The following CDK19 variants were observed in gnomAD, a reference collection of about 807,000 sequenced individuals.
CDK19 encodes cyclin dependent kinase 19.
In CDK19, 20 loss-of-function variants were observed where a neutral mutation model predicts 68.3. The ratio of observed to expected loss-of-function variants is 0.29; its 90% confidence interval spans 0.21 to 0.43. The LOEUF (loss-of-function observed/expected upper bound fraction) is 0.43, where lower values mean the gene tolerates loss of function less well. CDK19 is among the 20% of genes least tolerant of loss of function. The pLI, the probability that CDK19 is intolerant of heterozygous loss-of-function variation, is 1.00. For missense variants in CDK19, 339 were observed against 623.5 expected, an observed-to-expected ratio of 0.54 and a Z score of 4.86; for synonymous variants, 221 against 222.8, an observed-to-expected ratio of 0.99 and a Z score of 0.07.
intron 2 of CDK19, among the ~76,000 whole-genome samples, chr6:110,684,373 A>C (rs1313469035): frequency 7.2e-6 from 1 of 139,712 alleles, no homozygotes; most frequent in African/African-American, 2.7e-5. Flanking sequence ...TTCGATAATC[A>C]ACTACTAACA....
chr6:110,713,456 G>C (rs1775119306), intron 2 of CDK19, among the ~76,000 whole-genome samples: 1 of 134,566 alleles, frequency 7.4e-6, no homozygotes, highest in South Asian at 2.5e-4. Flanking sequence ...AAAAATCCTG[G>C]GCTCAAGTGA....
chr6:110,687,963 T>C (rs1387466259), intron 2 of CDK19, among the ~76,000 whole-genome samples: 3 of 152,196 alleles, frequency 2.0e-5, no homozygotes, highest in Admixed American at 2.0e-4. Context: ...TGTACATATT[T>C]TTTGCAGGGA....
chr6:110,739,295 T>A (rs1206054831), intron 2 of CDK19, among the ~76,000 whole-genome samples: 1 of 152,102 alleles, frequency 6.6e-6, no homozygotes, highest in Admixed American at 6.6e-5. Context: ...AGAGAAATGG[T>A]TGGCTTTCCA....
At chr6:110,801,204 G>A (rs1454448188) in intron 1 of CDK19, among the ~76,000 whole-genome samples, 1 of 152,096 alleles carries the variant, frequency 6.6e-6, no homozygotes, top group Non-Finnish European at 1.5e-5. Context: ...CGGGGGCTGG[G>A]GGAAGGAGCT....
chr6:110,750,659 G>A (rs1027652257), intron 1 of CDK19, among the ~76,000 whole-genome samples: 1 of 152,154 alleles, frequency 6.6e-6, no homozygotes, highest in Non-Finnish European at 1.5e-5. Context: ...AAAAGGAGAT[G>A]TCCTGAAGAT....
At chr6:110,784,805 C>A (rs1781082133) in intron 1 of CDK19, among the ~76,000 whole-genome samples, 1 of 151,890 alleles carries the variant, frequency 6.6e-6, no homozygotes, top group Non-Finnish European at 1.5e-5. Context: ...GAATGATATA[C>A]CCATACATGC....
intron 1 of CDK19, among the ~76,000 whole-genome samples, chr6:110,766,694 T>TGTAGGA (rs1159904210): frequency 1.3e-5 from 2 of 152,142 alleles, no homozygotes; most frequent in Non-Finnish European, 2.9e-5. Context: ...TTCACTTATG[T>TGTAGGA]GTAGGAGTAC....
intron 1 of CDK19, among the ~76,000 whole-genome samples, chr6:110,787,736 C>T (rs1295931): frequency 2.0e-5 from 3 of 152,134 alleles, no homozygotes; most frequent in Non-Finnish European, 4.4e-5. Context: ...AGCCATGACA[C>T]CTGGCAGGTT....
chr6:110,654,818 G>A (rs1781199711), intron 4 of CDK19, among the ~76,000 whole-genome samples: 1 of 152,128 alleles, frequency 6.6e-6, no homozygotes, highest in Non-Finnish European at 1.5e-5. Context: ...GCGCATGCCT[G>A]TAATCCCAGC....
At chr6:110,656,777 A>G (rs1009690416) in intron 4 of CDK19, among the ~76,000 whole-genome samples, 6 of 152,246 alleles carry the variant, frequency 3.9e-5, no homozygotes, top group African/African-American at 1.4e-4. Flanking sequence ...ACCAATAAAA[A>G]GCAACCATTA....
At chr6:110,774,498 A>G (rs1275174539) in intron 1 of CDK19, among the ~76,000 whole-genome samples, 2 of 152,246 alleles carry the variant, frequency 1.3e-5, no homozygotes, top group Non-Finnish European at 2.9e-5. Flanking sequence ...AGCGCTGGAC[A>G]GCACAAGATT....
chr6:110,722,851 A>C (rs1463138212), intron 2 of CDK19, among the ~76,000 whole-genome samples: 1 of 151,946 alleles, frequency 6.6e-6, no homozygotes, highest in Admixed American at 6.6e-5. Flanking sequence ...TGGGTGACAG[A>C]GTGAGACCCT....
At chr6:110,672,236 T>C (rs1222578769) in intron 2 of CDK19, among the ~76,000 whole-genome samples, 1 of 152,202 alleles carries the variant, frequency 6.6e-6, no homozygotes, top group Non-Finnish European at 1.5e-5. Context: ...TTATTACCTA[T>C]GCAAAATATG....
At chr6:110,641,190 T>G (rs1780137393) in intron 4 of CDK19, among the ~76,000 whole-genome samples, 1 of 152,098 alleles carries the variant, frequency 6.6e-6, no homozygotes, top group African/African-American at 2.4e-5. Context: ...AAAGGTCCAT[T>G]ATGTAAAAAG....
chr6:110,734,626 T>C (rs1479760369), intron 2 of CDK19, among the ~76,000 whole-genome samples: 2 of 148,458 alleles, frequency 1.3e-5, no homozygotes, highest in Non-Finnish European at 3.0e-5. Flanking sequence ...CTTCTCCACC[T>C]GGCTAGCCCC....
intron 2 of CDK19, among the ~76,000 whole-genome samples, chr6:110,684,468 G>A (rs1009016681): frequency 4.6e-5 from 7 of 150,928 alleles, no homozygotes; most frequent in Admixed American, 1.3e-4. Flanking sequence ...GGTGGGGGAC[G>A]TGGGTGAAAC....
intron 4 of CDK19, among the ~76,000 whole-genome samples, chr6:110,660,091 T>C (rs1415876310): frequency 2.0e-5 from 3 of 152,172 alleles, no homozygotes; most frequent in Admixed American, 2.0e-4. Context: ...CTTATCCTCT[T>C]GAGTAGCTGG....
intron 12 of CDK19, among the ~76,000 whole-genome samples, chr6:110,617,352 C>T (rs912118262): frequency 1.3e-5 from 2 of 152,190 alleles, no homozygotes; most frequent in Admixed American, 6.5e-5. Flanking sequence ...CAGGAATGCA[C>T]GCTTAGAGAG....
intron 12 of CDK19, among the ~76,000 whole-genome samples, chr6:110,619,670 G>A (rs1778585969): frequency 6.6e-6 from 1 of 151,908 alleles, no homozygotes; most frequent in Admixed American, 6.6e-5. Flanking sequence ...ATACTATGCA[G>A]TCAGTTTAGC....
Sources: allele counts gnomAD v4.1 joint callset (sites outside exome capture counted in the v4.1 genomes callset), GRCh38; gene constraint gnomAD v4.1.1; transcripts MANE v1.5; gene names NCBI Gene and HGNC (gene_info 2026-07-23, HGNC 2026-07-21).